FGD4: variants seen among roughly 807,000 people sequenced by gnomAD.
The protein encoded by FGD4 is FYVE, RhoGEF and PH domain-containing protein 4.
Under a neutral mutation model 102.0 loss-of-function variants are expected in FGD4, and 42 were observed. That is an observed-to-expected ratio of 0.41 (90% CI 0.32 to 0.53). FGD4 has a LOEUF of 0.53. Ranked by LOEUF, FGD4 falls within the 20% of genes least tolerant of loss-of-function variation. The pLI, the probability that FGD4 is intolerant of heterozygous loss-of-function variation, is 0.21. For missense variants in FGD4, 902 were observed against 1,078.2 expected, an observed-to-expected ratio of 0.84 and a Z score of 2.29; for synonymous variants, 380 against 375.7, an observed-to-expected ratio of 1.01 and a Z score of -0.13.
At position 32,643,108 on chromosome 12, in the gene FGD4, A is replaced by C. The variant is rs1157876837; in HGVS notation, c.*2575A>C. The C allele has an allele frequency of 6.6e-6, 1 of 152,490 alleles. No homozygotes were observed. The highest frequency in any genetic ancestry group is 1.5e-5 in the Non-Finnish European group (1 of 67,950). 9.4% of individuals were successfully genotyped at this position (152,490 alleles called of 1,614,324 possible). On this transcript the variant is annotated 3_prime_UTR_variant, in exon 17 of 17. Transcript: ENST00000534526. ...CTTTAAAAAGTACTTCCTTGACAAA[A>C]TTTCTATTCATTATAAAACATTTCA... is the stretch of plus-strand genomic sequence containing the variant.
At chr12:32,486,224 A>G in intron 1 of FGD4, 9 of 1,253,380 alleles carry the variant, frequency 7.2e-6, no homozygotes, top group Non-Finnish European at 9.8e-6. Context: ...AAAGTATACA[A>G]TAGATGAGGT....
At chr12:32,457,145 T>C (rs1304224618) in intron 1 of FGD4, among the ~76,000 whole-genome samples, 2 of 152,224 alleles carry the variant, frequency 1.3e-5, no homozygotes, top group African/African-American at 4.8e-5. Flanking sequence ...TTTATTTATT[T>C]CTACATTATG....
intron 4 of FGD4, among the ~76,000 whole-genome samples, chr12:32,595,029 TAAAA>T (rs58538152): frequency 7.5e-6 from 1 of 133,428 alleles, no homozygotes. Context: ...AGACTCCGTC[TAAAA>T]AAAAAAAAAA....
chr12:32,559,626 GT>G (rs1944382227), intron 1 of FGD4, among the ~76,000 whole-genome samples: 1 of 152,158 alleles, frequency 6.6e-6, no homozygotes, highest in Admixed American at 6.5e-5. Flanking sequence ...TAGATGCACA[GT>G]TGATCTCTTA....
At chr12:32,554,727 A>G (rs982728898) in intron 1 of FGD4, among the ~76,000 whole-genome samples, 10 of 152,266 alleles carry the variant, frequency 6.6e-5, no homozygotes, top group East Asian at 3.8e-4. Context: ...ACAAGATGCA[A>G]TTTGAGCCAA....
At chr12:32,548,551 A>G (rs1331803890) in intron 1 of FGD4, among the ~76,000 whole-genome samples, 1 of 152,242 alleles carries the variant, frequency 6.6e-6, no homozygotes, top group Non-Finnish European at 1.5e-5. Flanking sequence ...CTTCAAGGAA[A>G]GAACCAGTTC....
In FGD4 at chr12:32,530,941, GTTT is replaced by G. The variant is rs768536136; in HGVS notation, c.167-33169_167-33167del. Among the ~76,000 whole-genome samples the G allele has an allele frequency of 5.7e-4, 40 of 70,478 alleles. 2 individuals are homozygous for G. Among genetic ancestry groups the G allele is most frequent in the East Asian group, 3.6e-3 (7 of 1,948 alleles). The allele number at this position is 70,478 out of a possible 152,430, so 46.2% of individuals were successfully genotyped here. A position where few individuals can be genotyped will look rare whatever the true frequency, so the allele number is the denominator to read the frequency against. The stretch of plus-strand genomic sequence containing the variant: ...TATGACAATCAGTTTCCTAGCTTTG[GTTT>G]TTTTTTTTTTTTTTTTTTTTTTTTT... On this transcript the variant is annotated intron_variant, in intron 1 of 16. Coordinates refer to ENST00000534526, the MANE Select transcript of FGD4 (RefSeq NM_001370298.3).
chr12:32,472,660 A>G (rs1943447899), intron 1 of FGD4, among the ~76,000 whole-genome samples: 1 of 152,162 alleles, frequency 6.6e-6, no homozygotes, highest in South Asian at 2.1e-4. Flanking sequence ...CGATCACCCA[A>G]GGGCTGAGGA....
chr12:32,606,795 CTT>C (rs1948812247), intron 7 of FGD4, among the ~76,000 whole-genome samples: 1 of 152,108 alleles, frequency 6.6e-6, no homozygotes, highest in Admixed American at 6.5e-5. Flanking sequence ...TTTTTCATCT[CTT>C]TTGTTAACAG....
rs371042564 is a variant in FGD4 at position 32,609,202 on chromosome 12, A to T, written c.1543+1107A>T. On this transcript the variant is annotated intron_variant, in intron 8 of 16. Coordinates refer to ENST00000534526, the MANE Select transcript of FGD4 (RefSeq NM_001370298.3). ...TTTTCTAGAACACAAGCTGTCTCAG[A>T]TGTGTTTCTCCCATCATTTGAGTGA... Among the ~76,000 whole-genome samples, 11 of 152,236 alleles carry T rather than the reference A, an allele frequency of 7.2e-5. 2 individuals carry two copies. The highest frequency in any genetic ancestry group is 1.3e-4 in the Admixed American group (2 of 15,282).
chr12:32,464,155 TTTTGTTTG>T (rs933831318), intron 1 of FGD4, among the ~76,000 whole-genome samples: 6 of 152,116 alleles, frequency 3.9e-5, no homozygotes, highest in African/African-American at 1.4e-4. Flanking sequence ...GTTTTTGTTT[TTTTGTTTG>T]TTTGTTTGAG....
At chr12:32,454,967 G>A (rs1408756627) in intron 1 of FGD4, among the ~76,000 whole-genome samples, 1 of 152,100 alleles carries the variant, frequency 6.6e-6, no homozygotes, top group African/African-American at 2.4e-5. Flanking sequence ...TACTTAGAAT[G>A]GTTCTTTGTG....
chr12:32,596,583 T>G (rs904047725), intron 4 of FGD4, among the ~76,000 whole-genome samples: 19 of 65,492 alleles, frequency 2.9e-4, no homozygotes, highest in Admixed American at 5.6e-4. Context: ...CAATGGAAAG[T>G]TTTTTTTTTT....
rs940921215 is a variant in FGD4 at position 32,623,141 on chromosome 12, C to T, written c.1923-1281C>T. 3.3e-5 allele frequency among the ~76,000 whole-genome samples: 5 copies of T among 151,828 alleles called. No homozygotes were observed. In the East Asian group the frequency reaches 7.7e-4, roughly 23 times the overall value. ...GATAAAAAGTATTCTGTTTTATATA[C>T]AGAATACTATTATGGTTGTCTATTG... On this transcript the variant is annotated intron_variant, in intron 11 of 16. Coordinates refer to ENST00000534526, the MANE Select transcript of FGD4 (RefSeq NM_001370298.3).
chr12:32,407,949 A>G (rs1941014282), intron 1 of FGD4, among the ~76,000 whole-genome samples: 1 of 149,590 alleles, frequency 6.7e-6, no homozygotes, highest in South Asian at 2.1e-4. Flanking sequence ...TCCCCTCCTC[A>G]CCCCCAATGA....
intron 1 of FGD4, among the ~76,000 whole-genome samples, chr12:32,532,312 A>C (rs1381179862): frequency 1.3e-5 from 2 of 152,220 alleles, no homozygotes; most frequent in Non-Finnish European, 2.9e-5. Flanking sequence ...GGTGACTGCT[A>C]TACCATTATA....
intron 1 of FGD4, among the ~76,000 whole-genome samples, chr12:32,470,961 G>A (rs1249978884): frequency 6.6e-6 from 1 of 152,122 alleles, no homozygotes; most frequent in African/African-American, 2.4e-5. Flanking sequence ...ATAGCTGTTT[G>A]TTGTTTTCTG....
At position 32,645,833 on chromosome 12, in the gene FGD4, G is replaced by A. The variant is rs1197706781; in HGVS notation, c.*5300G>A. ...GATAAGTTTGAGAATGTATGTTTTT[G>A]GAATTTTACAGTTGACTCAAGTGTG... On this transcript the variant is annotated 3_prime_UTR_variant, in exon 17 of 17. Transcript: ENST00000534526. 1 of 152,132 alleles carries A rather than the reference G, an allele frequency of 6.6e-6. No individual in the cohort carries two copies. The highest frequency in any genetic ancestry group is 1.9e-4 in the East Asian group (1 of 5,200). The allele number at this position is 152,132 out of a possible 1,614,324, so 9.4% of individuals were successfully genotyped here.
rs553052370 is a variant in FGD4 at position 32,521,368 on chromosome 12, G to A, written c.167-42769G>A. On this transcript the variant is annotated intron_variant, in intron 1 of 16. Coordinates refer to ENST00000534526, the MANE Select transcript of FGD4 (RefSeq NM_001370298.3). The stretch of plus-strand genomic sequence containing the variant: ...TCCAGCCTGGCGACGGCGAGACTCC[G>A]TCTCAAAAAAAAAAAAAAAAAAGGA... Among the ~76,000 whole-genome samples, 218 of 70,530 alleles carry A rather than the reference G, an allele frequency of 3.1e-3. 2 individuals carry two copies. Among genetic ancestry groups the A allele is most frequent in the East Asian group, 3.4e-3 (12 of 3,562 alleles). The allele number at this position is 70,530 out of a possible 152,430, so 46.3% of individuals were successfully genotyped here. A position where few individuals can be genotyped will look rare whatever the true frequency, so the allele number is the denominator to read the frequency against.
Sources: allele counts gnomAD v4.1 joint callset (sites outside exome capture counted in the v4.1 genomes callset), GRCh38; gene constraint gnomAD v4.1.1; transcripts MANE v1.5; gene names NCBI Gene and HGNC (gene_info 2026-07-23, HGNC 2026-07-21).